Variants in POLE observed in about 807,000 individuals in gnomAD.
POLE encodes DNA polymerase epsilon catalytic subunit A.
POLE carries 188 observed loss-of-function variants against 279.2 expected under a neutral mutation model. The observed-to-expected ratio is 0.67, with a 90% CI of 0.60 to 0.76. POLE has a LOEUF of 0.76. Ranked by LOEUF, POLE falls within the 30% of genes least tolerant of loss-of-function variation. The pLI is 0.00. For synonymous variants in POLE, 1,214 were observed against 1,172.5 expected (o/e 1.04, Z -0.72); for missense variants, 2,703 against 3,016.7 (o/e 0.90, Z 2.44).
At chr12:132,656,247 C>T (rs2042535285) in intron 29 of POLE, among the ~76,000 whole-genome samples, 1 of 152,188 alleles carries the variant, frequency 6.6e-6, no homozygotes, top group Non-Finnish European at 1.5e-5. Context: ...TGCCACTGCA[C>T]TCCTGCCTGG....
chr12:132,667,232 G>T (rs915277268), intron 20 of POLE, among the ~76,000 whole-genome samples: 8 of 152,114 alleles, frequency 5.3e-5, no homozygotes, highest in Non-Finnish European at 8.8e-5. Flanking sequence ...GTACTCAAAC[G>T]GCCAGCCAGC....
At chr12:132,663,115 T>A (rs928869073) in intron 23 of POLE, among the ~76,000 whole-genome samples, 6 of 152,186 alleles carry the variant, frequency 3.9e-5, no homozygotes, top group African/African-American at 1.4e-4. Context: ...CAGCTGTGGA[T>A]ACACTGTCTC....
intron 32 of POLE, among the ~76,000 whole-genome samples, chr12:132,645,692 T>C (rs547066232): frequency 1.1e-4 from 17 of 152,330 alleles, no homozygotes; most frequent in South Asian, 2.1e-4. Flanking sequence ...TAAAGCGTTA[T>C]TTGGCGTAAC....
intron 45 of POLE, 72 bp downstream of exon 45, chr12:132,632,243 G>GCACACAGTAACATTCTCGCCTTA: frequency 8.1e-7 from 1 of 1,240,912 alleles, no homozygotes; most frequent in Non-Finnish European, 1.2e-6. Flanking sequence ...GCCTCACCTT[G>GCACACAGTAACATTCTCGCCTTA]CACACAGTAA....
chr12:132,663,740 TG>T (rs2135955707), intron 23 of POLE, among the ~76,000 whole-genome samples: 1 of 152,360 alleles, frequency 6.6e-6, no homozygotes, highest in South Asian at 2.1e-4. Context: ...AGAAATTCTC[TG>T]TACTATTTTT....
Position 132,642,551 on chromosome 12 carries a change from T to G in POLE, c.4907A>C (p.Tyr1636Ser), listed in dbSNP as rs1555222562. 1.2e-6 allele frequency: 2 copies of G among 1,613,302 alleles called. No homozygotes were observed. Among genetic ancestry groups the G allele is most frequent in the African/African-American group, 1.3e-5 (1 of 74,832 alleles). The part of the protein sequence containing the change: ...RHGARRMIRH[Y>S]LNLDTCLSQA... ...CGACAGGCAGGTGTCCAGGTTGAGG[T>G]AGTGACGGATCATGCGCCGGGCTCC... Residue 1636 changes from tyrosine to serine, a missense_variant, in exon 37 of 49, where the codon TAC becomes TCC. Tyr to Ser is a moderately radical substitution (Grantham distance 144). Transcript: ENST00000320574.
At chr12:132,625,950 C>T (rs2041829837) in intron 46 of POLE, 167 bp downstream of exon 46, 44 of 1,105,912 alleles carry the variant, frequency 4.0e-5, no homozygotes, top group Non-Finnish European at 4.9e-5. Context: ...GACAACATTC[C>T]GAACATGGTG....
chr12:132,649,066 C>T lies in POLE; in HGVS notation c.4012G>A (p.Glu1338Lys), dbSNP rs751555395. 17 of 1,611,264 alleles carry T rather than the reference C, an allele frequency of 1.1e-5. No homozygotes were observed. Among genetic ancestry groups the T allele is most frequent in the African/African-American group, 4.0e-5 (3 of 74,912 alleles). The change falls in exon 32 of 49, where the codon GAG (glutamate) becomes AAG (lysine). Residue 1338 changes from glutamate to lysine, a missense_variant. This residue lies in a region of POLE where 1,551 missense variants were observed against 1,686.1 expected (regional missense o/e 0.92). Coordinates refer to ENST00000320574, the MANE Select transcript of POLE (RefSeq NM_006231.4). ...DLPWQIVQISETSQAGLFRLW... is the reference protein window; with the variant it reads ...DLPWQIVQISKTSQAGLFRLW... ...CTGAACAGGCCGGCCTGGCTGGTCT[C>T]GCTGATCTGAAAGGCCACACGGACA...
intron 46 of POLE, 120 bp downstream of exon 46, chr12:132,625,995 ATG>A: frequency 1.7e-6 from 2 of 1,144,092 alleles, no homozygotes; most frequent in Non-Finnish European, 2.5e-6. Flanking sequence ...TTGCCAATCC[ATG>A]TGAGTCAGAG....
intron 1 of POLE, among the ~76,000 whole-genome samples, chr12:132,683,438 C>T (rs2043208625): frequency 6.6e-6 from 1 of 152,132 alleles, no homozygotes; most frequent in South Asian, 2.1e-4. Context: ...CAGACACTTT[C>T]ATATTACGAC....
chr12:132,642,329 G>A lies in POLE; in HGVS notation c.5021C>T (p.Ala1674Val), dbSNP rs2138531119. The A allele has an allele frequency of 1.9e-6, 3 of 1,596,728 alleles. No homozygotes were observed. Among genetic ancestry groups the A allele is most frequent in the Non-Finnish European group, 2.6e-6 (3 of 1,171,194 alleles). ...GTGGTTGTGGCGCTGGAGGTGGCGGGCAAAGAAGAGGTCGGAGCCGAATGT... is the reference window on the plus strand; with the variant it reads ...GTGGTTGTGGCGCTGGAGGTGGCGGACAAAGAAGAGGTCGGAGCCGAATGT... ...ISTFGSDLFF[A>V]RHLQRHNHLL... Residue 1674 changes from alanine (A) to valine (V), a missense_variant, in exon 38 of 49, where the codon GCC becomes GTC. Ala to Val is a moderately conservative substitution (Grantham distance 64). Transcript: ENST00000320574.
At chr12:132,652,322 T>A (rs1207880812) in intron 29 of POLE, among the ~76,000 whole-genome samples, 2 of 148,616 alleles carry the variant, frequency 1.3e-5, no homozygotes, top group Non-Finnish European at 3.0e-5. Context: ...TCCTTTTTTT[T>A]TTTTTTTTTT....
rs2041999643 is a variant in POLE, at chr12:132,634,624, G to T, written c.5812-246C>A. Among the ~76,000 whole-genome samples, 1 of 152,098 alleles carries T rather than the reference G, an allele frequency of 6.6e-6. No individual in the cohort carries two copies. The highest frequency in any genetic ancestry group is 1.5e-5 in the Non-Finnish European group (1 of 68,028). ...GACCTGGGACTGTGAGCTTCACTCT[G>T]CTCTTCCAGAGTTCACTTTAATTGT... On this transcript the variant is annotated intron_variant, in intron 42 of 48. Coordinates refer to ENST00000320574, the MANE Select transcript of POLE (RefSeq NM_006231.4). This position sits in a 1 kb window ranked among gnomAD's most constrained non-coding sequence, Gnocchi z 4.0.
At chr12:132,649,157 C>T (rs2042357078) in intron 31 of POLE, 85 bp from the exon 32 acceptor site, 1 of 1,541,084 alleles carries the variant, frequency 6.5e-7, no homozygotes, top group Non-Finnish European at 8.8e-7. Context: ...CTTGCAGCTC[C>T]CAGCACAGGG....
At chr12:132,673,797 C>T in intron 12 of POLE, 90 bp from the exon 13 acceptor site, 1 of 1,500,810 alleles carries the variant, frequency 6.7e-7, no homozygotes. Flanking sequence ...ACCACACAGA[C>T]AGATGCAAGT....
In POLE at chr12:132,664,300, C is replaced by CT; in HGVS notation, c.2561+69dup. The CT allele has an allele frequency of 6.8e-7, 1 of 1,466,390 alleles. No individual in the cohort carries two copies. Among genetic ancestry groups the CT allele is most frequent in the East Asian group, 2.3e-5 (1 of 44,168 alleles). The allele number at this position is 1,466,390 out of a possible 1,614,324, so 90.8% of individuals were successfully genotyped here. The stretch of plus-strand genomic sequence containing the variant: ...CCCAGTGTGTGGCCTCCAGCCTTCC[C>CT]TCCTTCCTTCCTGCCCATGCTTGCC... On this transcript the variant is annotated intron_variant, in intron 22 of 48. Coordinates refer to ENST00000320574, the MANE Select transcript of POLE (RefSeq NM_006231.4). This position sits in a 1 kb window ranked among gnomAD's most constrained non-coding sequence, Gnocchi z 5.3.
At position 132,657,913 on chromosome 12, in the gene POLE, C is replaced by A. The variant is rs200319525; in HGVS notation, c.3333G>T (p.Arg1111=). 6.2e-7 allele frequency: 1 copy of A among 1,614,150 alleles called. No individual in the cohort carries two copies. The highest frequency in any genetic ancestry group is 8.5e-7 in the Non-Finnish European group (1 of 1,179,986). ...AEPTVRKHFL[R]KWLKSSSLQD... ...GAAGGGAAGAGCTCTTGAGCCATTT[C>A]CGGAGAAAGTGCTTCCTCACCGTGG... The change falls in exon 27 of 49, where the codon CGG becomes CGT. Residue 1111 remains arginine, a synonymous_variant. Coordinates refer to ENST00000320574, the MANE Select transcript of POLE (RefSeq NM_006231.4).
At chr12:132,660,383 A>G (rs993430579) in intron 25 of POLE, 1 of 152,486 alleles carries the variant, frequency 6.6e-6, no homozygotes, top group African/African-American at 2.4e-5. Flanking sequence ...CCACACAGCA[A>G]AGCAAGCCAG....
chr12:132,645,111 G>A, intron 32 of POLE, among the ~76,000 whole-genome samples: 1 of 67,576 alleles, frequency 1.5e-5, no homozygotes, highest in Admixed American at 1.3e-4. Flanking sequence ...CCTGTGTGGG[G>A]TCCTGGGGGG....
Sources: allele counts gnomAD v4.1 joint callset (sites outside exome capture counted in the v4.1 genomes callset), GRCh38; gene constraint gnomAD v4.1.1; regional missense constraint gnomAD v4.1.1; non-coding constraint Gnocchi (gnomAD v3.1); transcripts MANE v1.5; gene names NCBI Gene and HGNC (gene_info 2026-07-23, HGNC 2026-07-21).